SLC16A7: variants seen among roughly 807,000 people sequenced by gnomAD.
SLC16A7 encodes the protein solute carrier family 16 member 7, also known as monocarboxylate transporter 2.
Under a neutral mutation model 34.9 loss-of-function variants are expected in SLC16A7, and 33 were observed. That is an observed-to-expected ratio of 0.94 (90% CI 0.72 to 1.26). SLC16A7 has a LOEUF of 1.26. Among genes scored for constraint, SLC16A7 ranks in the 50% most tolerant of loss-of-function variants. The pLI is 0.00. For synonymous variants in SLC16A7, 201 were observed against 206.6 expected (o/e 0.97, Z 0.23); for missense variants, 573 against 578.1 (o/e 0.99, Z 0.09).
intron 2 of SLC16A7, among the ~76,000 whole-genome samples, chr12:59,666,087 A>G (rs1869181701): frequency 6.6e-6 from 1 of 152,198 alleles, no homozygotes; most frequent in African/African-American, 2.4e-5. Flanking sequence ...AATTTGGAAG[A>G]ACATAACATT....
At chr12:59,752,169 A>G (rs1161957986) in intron 3 of SLC16A7, among the ~76,000 whole-genome samples, 3 of 151,714 alleles carry the variant, frequency 2.0e-5, no homozygotes, top group African/African-American at 7.3e-5. Context: ...AAACAGCAGA[A>G]AAACTGGAAA....
intron 1 of SLC16A7, among the ~76,000 whole-genome samples, chr12:59,653,364 G>C (rs909586131): frequency 1.3e-5 from 2 of 151,360 alleles, no homozygotes; most frequent in Non-Finnish European, 3.0e-5. Context: ...TTGCTTTTTA[G>C]GTATGAGGTA....
chr12:59,624,217 T>C (rs972275227), intron 1 of SLC16A7, among the ~76,000 whole-genome samples: 7 of 151,714 alleles, frequency 4.6e-5, no homozygotes, highest in African/African-American at 1.7e-4. Context: ...GTCTCATTTT[T>C]TTTACTCATA....
intron 3 of SLC16A7, among the ~76,000 whole-genome samples, chr12:59,751,995 AG>A (rs1332968365): frequency 6.6e-6 from 1 of 152,318 alleles, no homozygotes; most frequent in Non-Finnish European, 1.5e-5. Flanking sequence ...CCAGGCAAAC[AG>A]GGTCTGGAGT....
intron 2 of SLC16A7, among the ~76,000 whole-genome samples, chr12:59,700,609 T>C (rs1301064797): frequency 6.6e-6 from 1 of 151,008 alleles, no homozygotes; most frequent in Admixed American, 6.6e-5. Context: ...ATGTATTACA[T>C]ATAAATTTAG....
intron 3 of SLC16A7, among the ~76,000 whole-genome samples, chr12:59,757,272 TAAAA>T (rs1565701182): frequency 6.7e-6 from 1 of 150,328 alleles, no homozygotes; most frequent in Non-Finnish European, 1.5e-5. Context: ...TAAAATAAAA[TAAAA>T]TAAAAAAAGA....
intron 3 of SLC16A7, among the ~76,000 whole-genome samples, chr12:59,756,865 A>C (rs1880413371): frequency 7.6e-6 from 1 of 132,408 alleles, no homozygotes; most frequent in East Asian, 2.0e-4. Context: ...CGAAATGTCC[A>C]ACAATGATAG....
At chr12:59,600,461 A>G (rs1308450123) in intron 1 of SLC16A7, among the ~76,000 whole-genome samples, 1 of 151,420 alleles carries the variant, frequency 6.6e-6, no homozygotes, top group Non-Finnish European at 1.5e-5. Flanking sequence ...GAATAATGGA[A>G]CTTTTTTTTT....
chr12:59,766,253 A>G (rs542620112), intron 3 of SLC16A7, among the ~76,000 whole-genome samples: 3 of 152,260 alleles, frequency 2.0e-5, no homozygotes, highest in East Asian at 3.9e-4. Context: ...GGTTTTCTAG[A>G]TATACAATCA....
rs771949237 is a variant in SLC16A7, at chr12:59,775,096, C to G, written c.801C>G (p.Phe267Leu). 2 of 1,614,096 alleles carry G rather than the reference C, an allele frequency of 1.2e-6. No individual in the cohort carries two copies. Among genetic ancestry groups the G allele is most frequent in the Non-Finnish European group, 1.7e-6 (2 of 1,180,000 alleles). ...MFLGFFAPII[F>L]LAPYAKDQGI... is the part of the protein sequence containing the mutation. ...TAGGTTTTTTTGCCCCCATTATATTCTTGGCTCCATATGCTAAAGACCAAG... is the reference window on the plus strand; with the variant it reads ...TAGGTTTTTTTGCCCCCATTATATTGTTGGCTCCATATGCTAAAGACCAAG... Residue 267 changes from phenylalanine to leucine, a missense_variant, in exon 5 of 6, where the codon TTC (phenylalanine) becomes TTG (leucine). Physicochemically the swap from Phe to Leu is conservative, Grantham distance 22. Coordinates refer to ENST00000547379, the MANE Select transcript of SLC16A7 (RefSeq NM_001270623.2).
At chr12:59,678,531 AGTGAGTAACT>A (rs1466762692) in intron 2 of SLC16A7, among the ~76,000 whole-genome samples, 1 of 152,048 alleles carries the variant, frequency 6.6e-6, no homozygotes, top group Non-Finnish European at 1.5e-5. Flanking sequence ...GAGACTCTGG[AGTGAGTAACT>A]CTTCTACGCA....
chr12:59,637,488 T>C (rs117592483), intron 1 of SLC16A7, among the ~76,000 whole-genome samples: 4,344 of 152,110 alleles, frequency 0.029, 95 homozygotes, highest in Middle Eastern at 0.062. Context: ...GCATTCACCT[T>C]TGTAGGGTTA....
At chr12:59,711,056 C>T (rs558817568) in intron 3 of SLC16A7, among the ~76,000 whole-genome samples, 1 of 152,310 alleles carries the variant, frequency 6.6e-6, no homozygotes, top group East Asian at 1.9e-4. Flanking sequence ...AGGAAGACTG[C>T]CACTATTCCC....
intron 1 of SLC16A7, among the ~76,000 whole-genome samples, chr12:59,605,801 C>G (rs1269436408): frequency 6.6e-6 from 1 of 151,954 alleles, no homozygotes; most frequent in Non-Finnish European, 1.5e-5. Context: ...TTCCTTTTTT[C>G]TCAATCTGTG....
At chr12:59,728,350 G>T (rs1876535965) in intron 3 of SLC16A7, among the ~76,000 whole-genome samples, 1 of 152,222 alleles carries the variant, frequency 6.6e-6, no homozygotes, top group African/African-American at 2.4e-5. Context: ...ACACACTGGA[G>T]TGAGGCCCTA....
At chr12:59,765,145 T>C (rs1881457141) in intron 3 of SLC16A7, among the ~76,000 whole-genome samples, 1 of 152,236 alleles carries the variant, frequency 6.6e-6, no homozygotes, top group African/African-American at 2.4e-5. Flanking sequence ...GAGAAGTGTC[T>C]ATTCATATCC....
intron 3 of SLC16A7, among the ~76,000 whole-genome samples, chr12:59,738,319 C>A (rs1877843922): frequency 6.6e-6 from 1 of 152,078 alleles, no homozygotes; most frequent in Admixed American, 6.6e-5. Flanking sequence ...GATAGAATAC[C>A]TCCTAACAAA....
intron 3 of SLC16A7, among the ~76,000 whole-genome samples, chr12:59,732,670 A>G (rs1347259796): frequency 6.6e-6 from 1 of 152,052 alleles, no homozygotes; most frequent in African/African-American, 2.4e-5. Context: ...AATGTTCTTA[A>G]TTTTTGTACC....
At chr12:59,680,995 A>G (rs748085420) in intron 2 of SLC16A7, among the ~76,000 whole-genome samples, 52 of 152,244 alleles carry the variant, frequency 3.4e-4, no homozygotes, top group Admixed American at 2.7e-3. Flanking sequence ...AAACTACAGC[A>G]GCAACAAAAA....
Sources: allele counts gnomAD v4.1 joint callset (sites outside exome capture counted in the v4.1 genomes callset), GRCh38; gene constraint gnomAD v4.1.1; transcripts MANE v1.5; gene names NCBI Gene and HGNC (gene_info 2026-07-23, HGNC 2026-07-21).